The following SAP30BP variants were observed in gnomAD, a reference collection of about 807,000 sequenced individuals.
SAP30BP encodes SAP30-binding protein.
A neutral mutation model predicts 46.3 loss-of-function variants in SAP30BP; 31 were observed. The ratio of observed to expected loss-of-function variants is 0.67; its 90% confidence interval spans 0.50 to 0.90. SAP30BP has a LOEUF of 0.90. Among genes scored for constraint, SAP30BP ranks in the 40% least tolerant of loss-of-function variants. SAP30BP has a pLI of 0.00. For synonymous variants in SAP30BP, 169 were observed against 144.2 expected, an observed-to-expected ratio of 1.17 and a Z score of -1.23; for missense variants, 312 against 391.0, an observed-to-expected ratio of 0.80 and a Z score of 1.70.
intron 3 of SAP30BP, among the ~76,000 whole-genome samples, chr17:75,688,009 T>C (rs970235391): frequency 2.0e-5 from 3 of 151,732 alleles, no homozygotes; most frequent in African/African-American, 7.3e-5. Flanking sequence ...CCAGGCTGAC[T>C]ATTAGACTTG....
chr17:75,691,574 C>CT (rs943934040), intron 3 of SAP30BP: 1 of 438,970 alleles, frequency 2.3e-6, no homozygotes, highest in African/African-American at 2.0e-5. Context: ...TGTTTGGTGA[C>CT]TAACTTCCTG....
At position 75,683,205 on chromosome 17, in the gene SAP30BP, G is replaced by A. The variant is rs150652542; in HGVS notation, c.265-10235G>A. 2.1e-3 allele frequency among the ~76,000 whole-genome samples: 313 copies of A among 150,866 alleles called. 1 individual carries two copies. Among genetic ancestry groups the A allele is most frequent in the African/African-American group, 7.0e-3 (289 of 41,248 alleles). On this transcript the variant is annotated intron_variant, in intron 3 of 10. Transcript: ENST00000584667. ...ACTACAGGTGCACACCACCACGCCT[G>A]GCCAATTTTTGTATTTTTTTTAGTA...
chr17:75,677,106 C>CTTTTTTT (rs35919373), intron 3 of SAP30BP, among the ~76,000 whole-genome samples: 4 of 113,490 alleles, frequency 3.5e-5, no homozygotes, highest in Non-Finnish European at 7.0e-5. Context: ...TGGCAGAAAA[C>CTTTTTTT]TTTTTTTTTT....
intron 3 of SAP30BP, among the ~76,000 whole-genome samples, chr17:75,690,322 G>A (rs961209947): frequency 1.3e-5 from 2 of 152,130 alleles, no homozygotes; most frequent in African/African-American, 4.8e-5. Context: ...TATCATTACT[G>A]TTTGAATAGA....
At chr17:75,696,939 G>A (rs560533268) in intron 4 of SAP30BP, among the ~76,000 whole-genome samples, 1 of 151,840 alleles carries the variant, frequency 6.6e-6, no homozygotes, top group African/African-American at 2.4e-5. Flanking sequence ...CACCACACTT[G>A]GCTAAATTTT....
At chr17:75,673,460 C>G (rs750662429) in intron 3 of SAP30BP, among the ~76,000 whole-genome samples, 1 of 152,086 alleles carries the variant, frequency 6.6e-6, no homozygotes, top group East Asian at 1.9e-4. Flanking sequence ...GGAGCCTGCA[C>G]GTAAAACAAG....
chr17:75,680,530 C>G (rs1016095161), intron 3 of SAP30BP, among the ~76,000 whole-genome samples: 4 of 152,108 alleles, frequency 2.6e-5, no homozygotes, highest in Non-Finnish European at 5.9e-5. Flanking sequence ...CGTGAGACCC[C>G]CTTTGCAAGG....
intron 3 of SAP30BP, among the ~76,000 whole-genome samples, chr17:75,674,701 T>G (rs1227544644): frequency 2.0e-5 from 1 of 49,766 alleles, no homozygotes; most frequent in African/African-American, 6.2e-5. Context: ...TTTTTTGTTT[T>G]TTTTTTTTTT....
intron 4 of SAP30BP, among the ~76,000 whole-genome samples, chr17:75,698,682 T>C (rs2060358983): frequency 6.6e-6 from 1 of 152,120 alleles, no homozygotes; most frequent in African/African-American, 2.4e-5. Context: ...CAGTGGTGGC[T>C]GGAGCTGGCT....
chr17:75,706,609 T>C lies in SAP30BP; in HGVS notation c.*88T>C. 1 of 1,246,468 alleles carries C rather than the reference T, an allele frequency of 8.0e-7. No individual in the cohort carries two copies. The highest frequency in any genetic ancestry group is 1.1e-6 in the Non-Finnish European group (1 of 875,850). 77.2% of individuals were successfully genotyped at this position (1,246,468 alleles called of 1,614,324 possible). On this transcript the variant is annotated 3_prime_UTR_variant, in exon 11 of 11. Coordinates refer to ENST00000584667, the MANE Select transcript of SAP30BP (RefSeq NM_013260.8). This position sits in a 1 kb window ranked among gnomAD's most constrained non-coding sequence, Gnocchi z 4.6. ...GGCGCCACTTTGTATATTTCAGGAC[T>C]GGGACCTACTCCCCAGATGCCACCT... is the stretch of plus-strand genomic sequence containing the variant.
intron 3 of SAP30BP, among the ~76,000 whole-genome samples, chr17:75,691,150 G>A (rs1393144292): frequency 6.6e-6 from 1 of 152,120 alleles, no homozygotes; most frequent in East Asian, 1.9e-4. Context: ...GACTGAATGA[G>A]AGTCCTCTTG....
intron 3 of SAP30BP, chr17:75,690,784 A>T (rs1482534051): frequency 6.6e-6 from 3 of 456,456 alleles, no homozygotes; most frequent in South Asian, 4.6e-5. Flanking sequence ...TATAGCCAGC[A>T]GGAGGCAGAT....
intron 3 of SAP30BP, 144 bp from the exon 4 acceptor site, chr17:75,693,296 C>A: frequency 1.5e-6 from 1 of 648,472 alleles, no homozygotes; most frequent in East Asian, 2.9e-5. Context: ...GTGCCAGAGG[C>A]CCCTGAAGCA....
intron 3 of SAP30BP, chr17:75,692,676 C>A: frequency 4.8e-6 from 1 of 209,304 alleles, no homozygotes; most frequent in Non-Finnish European, 8.3e-6. Context: ...TCTAAGAAGC[C>A]TTTGCTCTCA....
rs1223984115 is a variant in SAP30BP at position 75,703,824 on chromosome 17, A to C, written c.566A>C (p.His189Pro). 6.2e-7 allele frequency: 1 copy of C among 1,613,890 alleles called. No individual in the cohort carries two copies. Among genetic ancestry groups the C allele is most frequent in the Non-Finnish European group, 8.5e-7 (1 of 1,179,800 alleles). ...TNYPKDMFDP[H>P]GWSEDSYYEA... is the part of the protein sequence containing the mutation. ...CCTTTGCAGGATATGTTTGATCCCC[A>C]TGGCTGGTCTGAGGACTCCTACTAT... The change falls in exon 8 of 11, where the codon CAT becomes CCT. Residue 189 changes from histidine to proline, a missense_variant. By Grantham distance (77) the His-to-Pro change is moderately conservative. Coordinates refer to ENST00000584667, the MANE Select transcript of SAP30BP (RefSeq NM_013260.8).
In SAP30BP at chr17:75,703,365, C is replaced by T. The variant is rs1486713115; in HGVS notation, c.543C>T (p.Tyr181=). 2.5e-6 allele frequency: 4 copies of T among 1,613,726 alleles called. No individual in the cohort carries two copies. The South Asian group carries it at 4.4e-5, about 18-fold the overall frequency. ...CCATTGACGAGCTTGGCACCAACTA[C>T]CCAAAGGTGCGTCTGGCACACGGGG... ...FCAIDELGTN[Y]PKDMFDPHGW... is the part of the protein sequence containing the mutation. Residue 181 remains tyrosine, a synonymous_variant, in exon 7 of 11, where the codon TAC becomes TAT. Transcript: ENST00000584667.
rs78863853 is a variant in SAP30BP, at chr17:75,690,650, G to T, written c.265-2790G>T. On this transcript the variant is annotated intron_variant, in intron 3 of 10. Coordinates refer to ENST00000584667, the MANE Select transcript of SAP30BP (RefSeq NM_013260.8). ...GCACTTTAGGATCCAGAGAACTTAG[G>T]TTGTTGTCTTTCTTCTTTAGGAGAA... 3,792 of 456,330 alleles carry T rather than the reference G, an allele frequency of 8.3e-3. 158 individuals carry two copies. In the East Asian group the frequency reaches 0.11, roughly 14 times the overall value. 28.3% of individuals were successfully genotyped at this position (456,330 alleles called of 1,614,324 possible).
chr17:75,704,755 G>A lies in SAP30BP; in HGVS notation c.602-1G>A. 1 of 1,613,534 alleles carries A rather than the reference G, an allele frequency of 6.2e-7. No individual in the cohort carries two copies. The highest frequency in any genetic ancestry group is 8.5e-7 in the Non-Finnish European group (1 of 1,179,600). On this transcript the variant is annotated splice_acceptor_variant, in intron 8 of 10. Transcript: ENST00000584667. LOFTEE classifies it high-confidence loss of function. ...TGTAACAGCTTCTCTTGTCTTCATA[G>A]CCAAGGCCCAGAAAATTGAGATGGA...
At chr17:75,688,954 G>A (rs541370014) in intron 3 of SAP30BP, among the ~76,000 whole-genome samples, 7 of 152,250 alleles carry the variant, frequency 4.6e-5, no homozygotes, top group South Asian at 4.1e-4. Context: ...AGCGCCCAGT[G>A]TGCCGCAGCC....
Sources: gnomAD v4.1 joint callset for allele counts (sites outside exome capture counted in the v4.1 genomes callset) on GRCh38, gnomAD v4.1.1 for gene constraint, Gnocchi (gnomAD v3.1) non-coding constraint, MANE v1.5 for transcripts, NCBI Gene and HGNC (gene_info 2026-07-23, HGNC 2026-07-21) for gene names.